Variants in BCAR3 observed in about 807,000 individuals in gnomAD.
BCAR3 encodes the protein BCAR3 adaptor protein, NSP family member.
In BCAR3, 37 loss-of-function variants were observed where a neutral mutation model predicts 80.1. The observed-to-expected ratio is 0.46, with a 90% CI of 0.36 to 0.61. The LOEUF is 0.61. Ranked by LOEUF, BCAR3 falls within the 20% of genes least tolerant of loss-of-function variation. The probability of loss-of-function intolerance (pLI) is 0.00; values close to 1 mark genes in which losing one functional copy is unlikely to be tolerated. For missense variants in BCAR3, 978 were observed against 1,068.2 expected, an observed-to-expected ratio of 0.92 and a Z score of 1.18; for synonymous variants, 389 against 418.9, an observed-to-expected ratio of 0.93 and a Z score of 0.87.
chr1:93,579,226 T>G (rs1183576850), intron 7 of BCAR3, among the ~76,000 whole-genome samples: 1 of 152,164 alleles, frequency 6.6e-6, no homozygotes, highest in Non-Finnish European at 1.5e-5. Flanking sequence ...CAGAGCCTGC[T>G]CTCAGCTTCT....
At chr1:93,845,476 A>C (rs1476214193) in intron 2 of BCAR3, 3 of 2,474 alleles carry the variant, frequency 1.2e-3, no homozygotes, top group African/African-American at 2.2e-3. Flanking sequence ...ATATATATAT[A>C]TATATATATA....
intron 2 of BCAR3, among the ~76,000 whole-genome samples, chr1:93,642,911 G>T (rs974313541): frequency 6.6e-6 from 1 of 152,182 alleles, no homozygotes; most frequent in African/African-American, 2.4e-5. Flanking sequence ...TCATCCTACT[G>T]TTCTGTGTGC....
chr1:93,652,784 C>T (rs1229121755), intron 2 of BCAR3, among the ~76,000 whole-genome samples: 2 of 152,166 alleles, frequency 1.3e-5, no homozygotes, highest in African/African-American at 4.8e-5. Flanking sequence ...TGTGAATGGC[C>T]AACAGGGAAG....
chr1:93,647,300 T>A (rs895107915), intron 2 of BCAR3, among the ~76,000 whole-genome samples: 4 of 152,204 alleles, frequency 2.6e-5, no homozygotes, highest in African/African-American at 9.6e-5. Flanking sequence ...AGAAGCCTAA[T>A]CAAATTTGCT....
chr1:93,586,366 G>T lies in BCAR3; in HGVS notation c.930-2245C>A, dbSNP rs568836385. 3.9e-4 allele frequency among the ~76,000 whole-genome samples: 60 copies of T among 152,120 alleles called. No homozygotes were observed. The highest frequency in any genetic ancestry group is 7.2e-4 in the Non-Finnish European group (49 of 68,028). On this transcript the variant is annotated intron_variant, in intron 5 of 11. Transcript: ENST00000260502. The surrounding 1 kb of genome is among the most constrained non-coding windows in gnomAD (Gnocchi z 4.2). ...AATGATCTCCAATTCCATCCACGTG[G>T]TTGCAAATAACAGGATCTCATTGTT...
At chr1:93,581,215 CATGTTTGTCA>C (rs142847113) in intron 7 of BCAR3, among the ~76,000 whole-genome samples, 204 of 151,632 alleles carry the variant, frequency 1.3e-3, no homozygotes, top group African/African-American at 4.8e-3. Flanking sequence ...GAAAGACAGT[CATGTTTGTCA>C]ATGAAAGGTT....
At chr1:93,760,324 A>C (rs184103703) in intron 2 of BCAR3, among the ~76,000 whole-genome samples, 1 of 152,296 alleles carries the variant, frequency 6.6e-6, no homozygotes, top group East Asian at 1.9e-4. Context: ...CATGATTTTC[A>C]GTGGGGACTC....
At chr1:93,749,394 C>G (rs190982572) in intron 2 of BCAR3, among the ~76,000 whole-genome samples, 6 of 151,902 alleles carry the variant, frequency 3.9e-5, no homozygotes, top group Admixed American at 3.9e-4. Context: ...CGAGACCATC[C>G]TGGCTAACAT....
At chr1:93,641,882 G>A (rs1675989948) in intron 3 of BCAR3, among the ~76,000 whole-genome samples, 1 of 152,054 alleles carries the variant, frequency 6.6e-6, no homozygotes, top group Non-Finnish European at 1.5e-5. Context: ...AAACTCATTT[G>A]GTGGCAAAAT....
At chr1:93,695,755 A>G (rs1003044276) in intron 3 of BCAR3, among the ~76,000 whole-genome samples, 1 of 152,280 alleles carries the variant, frequency 6.6e-6, no homozygotes, top group Non-Finnish European at 1.5e-5. Context: ...TCTTCAGTGT[A>G]TGATCCTGTG....
chr1:93,828,353 A>G (rs948294129), intron 2 of BCAR3, among the ~76,000 whole-genome samples: 2 of 152,186 alleles, frequency 1.3e-5, no homozygotes, highest in African/African-American at 2.4e-5. Context: ...CATAGAAACT[A>G]GAATCCCTCT....
chr1:93,799,892 C>T (rs1653416245), intron 2 of BCAR3, among the ~76,000 whole-genome samples: 1 of 152,156 alleles, frequency 6.6e-6, no homozygotes, highest in Admixed American at 6.5e-5. Flanking sequence ...AAACAAAAAG[C>T]ACTGCATAAA....
intron 2 of BCAR3, among the ~76,000 whole-genome samples, chr1:93,769,104 G>A (rs1011447070): frequency 4.6e-5 from 7 of 152,122 alleles, no homozygotes; most frequent in African/African-American, 2.4e-5. Context: ...CCAACCCTGG[G>A]GGAGGAGACA....
At chr1:93,847,171 G>A, upstream of BCAR3, 1 of 202,612 alleles carries the variant, frequency 4.9e-6, no homozygotes, top group South Asian at 6.9e-5. Flanking sequence ...CGGCTGGCCT[G>A]GGCCTGCAAC....
intron 2 of BCAR3, among the ~76,000 whole-genome samples, chr1:93,823,526 G>A (rs1654292731): frequency 7.5e-6 from 1 of 133,700 alleles, no homozygotes. Flanking sequence ...GAGGAAAAAT[G>A]CATAAAAATA....
chr1:93,589,710 T>C (rs1197685470), intron 4 of BCAR3, among the ~76,000 whole-genome samples: 1 of 152,180 alleles, frequency 6.6e-6, no homozygotes, highest in Admixed American at 6.5e-5. Context: ...GGTGGGGAGC[T>C]TCTGTTTTAG....
intron 2 of BCAR3, among the ~76,000 whole-genome samples, chr1:93,833,673 G>T: frequency 6.6e-6 from 1 of 152,150 alleles, no homozygotes; most frequent in East Asian, 1.9e-4. Context: ...ACTCTGTTCT[G>T]CCTGGCCCCA....
chr1:93,618,338 G>A (rs1675202093), intron 3 of BCAR3, among the ~76,000 whole-genome samples: 1 of 152,200 alleles, frequency 6.6e-6, no homozygotes, highest in Non-Finnish European at 1.5e-5. Flanking sequence ...AGTTTCCCCA[G>A]ATTCCTCAAG....
chr1:93,564,142 CAAATTTTTGTCTATTT>C (rs1203063792), intron 11 of BCAR3, among the ~76,000 whole-genome samples: 2 of 152,052 alleles, frequency 1.3e-5, no homozygotes, highest in African/African-American at 2.4e-5. Context: ...AGTGTCTATT[CAAATTTTTGTCTATTT>C]AAATTTTATC....
Sources: allele counts gnomAD v4.1 joint callset (sites outside exome capture counted in the v4.1 genomes callset), GRCh38; gene constraint gnomAD v4.1.1; non-coding constraint Gnocchi (gnomAD v3.1); transcripts MANE v1.5; gene names NCBI Gene and HGNC (gene_info 2026-07-23, HGNC 2026-07-21).